Variants in GABRG1 observed in about 807,000 individuals in gnomAD.
GABRG1 encodes the protein gamma-aminobutyric acid type A receptor subunit gamma1.
Under a neutral mutation model 49.8 loss-of-function variants are expected in GABRG1, and 49 were observed. The observed-to-expected ratio is 0.98, with a 90% CI of 0.78 to 1.25. The LOEUF (loss-of-function observed/expected upper bound fraction) is 1.25. GABRG1 is among the 50% of genes most tolerant of loss of function. The pLI is 0.00. For synonymous variants in GABRG1, 232 were observed against 185.1 expected, an observed-to-expected ratio of 1.25 and a Z score of -2.06; for missense variants, 552 against 552.3, an observed-to-expected ratio of 1.00 and a Z score of 0.01.
At chr4:46,098,525 A>G (rs1478141333) in intron 1 of GABRG1, among the ~76,000 whole-genome samples, 2 of 151,752 alleles carry the variant, frequency 1.3e-5, no homozygotes, top group African/African-American at 4.8e-5. Flanking sequence ...TTTGAATCTA[A>G]ACACCTTAGC....
chr4:46,040,084 T>C lies in GABRG1; in HGVS notation c.*904A>G, dbSNP rs910868009. On this transcript the variant is annotated 3_prime_UTR_variant, in exon 9 of 9. Transcript: ENST00000295452. ...TAACCACGTGAGTAAATACAAGCAA[T>C]GTTCCTCAATATTTTTATTTTAGGG... is the stretch of plus-strand genomic sequence containing the variant. 1.3e-5 allele frequency: 2 copies of C among 151,832 alleles called. No individual in the cohort carries two copies. The highest frequency in any genetic ancestry group is 2.4e-5 in the African/African-American group (1 of 41,432). The allele number at this position is 151,832 out of a possible 1,614,324, so 9.4% of individuals were successfully genotyped here.
At chr4:46,088,375 C>T (rs1719859256) in intron 2 of GABRG1, among the ~76,000 whole-genome samples, 1 of 151,958 alleles carries the variant, frequency 6.6e-6, no homozygotes, top group Non-Finnish European at 1.5e-5. Flanking sequence ...TTTTTTTACA[C>T]ATAAACACAA....
chr4:46,061,256 T>C (rs1231925923), intron 5 of GABRG1, among the ~76,000 whole-genome samples: 1 of 152,022 alleles, frequency 6.6e-6, no homozygotes, highest in East Asian at 1.9e-4. Flanking sequence ...AGTTACTGTT[T>C]AAAAATCAAA....
chr4:46,090,357 G>T (rs1719934604), intron 2 of GABRG1, among the ~76,000 whole-genome samples: 1 of 151,996 alleles, frequency 6.6e-6, no homozygotes, highest in South Asian at 2.1e-4. Flanking sequence ...AAAACTCATG[G>T]AGTAGGGCAA....
chr4:46,097,133 A>T (rs780068820), intron 2 of GABRG1, 68 bp downstream of exon 2: 47 of 1,310,278 alleles, frequency 3.6e-5, no homozygotes, highest in Non-Finnish European at 4.3e-5. Context: ...AGAAATAATG[A>T]TTAAAATAGT....
chr4:46,094,625 A>G (rs1720108450), intron 2 of GABRG1, among the ~76,000 whole-genome samples: 1 of 152,024 alleles, frequency 6.6e-6, no homozygotes, highest in Admixed American at 6.6e-5. Context: ...AAGTGAGGTT[A>G]GGAAATAGTA....
chr4:46,091,844 T>C (rs1036897710), intron 2 of GABRG1, among the ~76,000 whole-genome samples: 1 of 151,912 alleles, frequency 6.6e-6, no homozygotes, highest in Non-Finnish European at 1.5e-5. Context: ...CTCCTCAATA[T>C]AAATATGAAA....
chr4:46,089,120 A>G (rs926239408), intron 2 of GABRG1, among the ~76,000 whole-genome samples: 11 of 151,972 alleles, frequency 7.2e-5, no homozygotes, highest in African/African-American at 2.7e-4. Flanking sequence ...TTTTGACCTC[A>G]AGAGAGTTGT....
intron 8 of GABRG1, among the ~76,000 whole-genome samples, chr4:46,047,484 A>G (rs572853958): frequency 6.6e-6 from 1 of 152,182 alleles, no homozygotes; most frequent in Non-Finnish European, 1.5e-5. Context: ...TCTCCTCTCC[A>G]CAAGGTTCTC....
chr4:46,112,413 G>A (rs892656219), intron 1 of GABRG1, among the ~76,000 whole-genome samples: 1 of 151,390 alleles, frequency 6.6e-6, no homozygotes, highest in Non-Finnish European at 1.5e-5. Flanking sequence ...TGCCAATGTG[G>A]AAAGCAGTTT....
intron 1 of GABRG1, among the ~76,000 whole-genome samples, chr4:46,119,929 G>C (rs1188437537): frequency 4.0e-5 from 6 of 151,578 alleles, no homozygotes; most frequent in Non-Finnish European, 5.9e-5. Flanking sequence ...TATCATAATA[G>C]AATAACTATA....
chr4:46,039,735 T>C lies in GABRG1; in HGVS notation c.*1253A>G, dbSNP rs549068185. The C allele has an allele frequency of 5.1e-4, 77 of 151,868 alleles. 1 individual carries two copies. Among genetic ancestry groups the C allele is most frequent in the Admixed American group, 4.6e-3 (70 of 15,170 alleles). 9.4% of individuals were successfully genotyped at this position (151,868 alleles called of 1,614,324 possible). ...AGACATTTTTAAAACTATTAACTGA[T>C]AGATTTTACATCCAGTGAGATGCTA... On this transcript the variant is annotated 3_prime_UTR_variant, in exon 9 of 9. Transcript: ENST00000295452.
At position 46,070,180 on chromosome 4, in the gene GABRG1, C is replaced by T. The variant is rs1369504123; in HGVS notation, c.322-4596G>A. ...AATTTCCAATGATTGACCCTGCAGC[C>T]TAGAAACAGCTCTGAACACTGCACT... On this transcript the variant is annotated intron_variant, in intron 3 of 8. Transcript: ENST00000295452. Among the ~76,000 whole-genome samples, 7 of 151,990 alleles carry T rather than the reference C, an allele frequency of 4.6e-5. No homozygotes were observed. In the East Asian group the frequency reaches 7.8e-4, roughly 17 times the overall value.
At chr4:46,073,418 T>A (rs1463705070) in intron 3 of GABRG1, among the ~76,000 whole-genome samples, 3 of 152,036 alleles carry the variant, frequency 2.0e-5, no homozygotes, top group Non-Finnish European at 4.4e-5. Context: ...GAGGCAAAAA[T>A]TTTTAAACCA....
intron 1 of GABRG1, among the ~76,000 whole-genome samples, chr4:46,104,377 A>T (rs2109435896): frequency 6.6e-6 from 1 of 151,680 alleles, no homozygotes; most frequent in African/African-American, 2.4e-5. Context: ...AGCCTCAGAT[A>T]TTATAAATGT....
At chr4:46,049,377 G>A (rs953064803) in intron 8 of GABRG1, among the ~76,000 whole-genome samples, 2 of 151,678 alleles carry the variant, frequency 1.3e-5, no homozygotes, top group Non-Finnish European at 1.5e-5. Flanking sequence ...TACTGATCCC[G>A]GTTTTTCACT....
intron 3 of GABRG1, among the ~76,000 whole-genome samples, chr4:46,066,326 TC>T (rs1718920945): frequency 3.3e-5 from 5 of 152,172 alleles, no homozygotes; most frequent in Admixed American, 3.3e-4. Flanking sequence ...ATTATTTATA[TC>T]TACTGTTTTT....
chr4:46,101,329 G>A (rs1411275395), intron 1 of GABRG1, among the ~76,000 whole-genome samples: 1 of 151,448 alleles, frequency 6.6e-6, no homozygotes, highest in Non-Finnish European at 1.5e-5. Context: ...TACCTTTATT[G>A]AATAATCTAG....
At chr4:46,044,530 G>A (rs778136204) in intron 8 of GABRG1, among the ~76,000 whole-genome samples, 20 of 151,920 alleles carry the variant, frequency 1.3e-4, no homozygotes, top group Non-Finnish European at 1.5e-5. Flanking sequence ...ACGAGGAGCT[G>A]CCAATCAGCA....
Sources: gnomAD v4.1 joint callset for allele counts (sites outside exome capture counted in the v4.1 genomes callset) on GRCh38, gnomAD v4.1.1 for gene constraint, MANE v1.5 for transcripts, NCBI Gene and HGNC (gene_info 2026-07-23, HGNC 2026-07-21) for gene names.